The following PCLO variants were observed in gnomAD, a reference collection of about 807,000 sequenced individuals.
The protein encoded by PCLO is piccolo presynaptic cytomatrix protein.
Under a neutral mutation model 427.5 loss-of-function variants are expected in PCLO, and 82 were observed. The observed-to-expected ratio is 0.19, with a 90% CI of 0.16 to 0.23. PCLO has a LOEUF of 0.23. PCLO is among the 10% of genes least tolerant of loss of function. The pLI is 1.00. For missense variants in PCLO, 6,239 were observed against 6,115.9 expected (o/e 1.02, Z -0.67); for synonymous variants, 2,357 against 2,155.4 (o/e 1.09, Z -2.59).
intron 10 of PCLO, chr7:82,867,986 G>T: frequency 2.7e-6 from 1 of 363,922 alleles, no homozygotes; most frequent in Non-Finnish European, 5.4e-6. Context: ...ACAGAAGAGA[G>T]TTTCCTAAAT....
In PCLO at chr7:82,951,405, T is replaced by G; in HGVS notation, c.9183A>C (p.Pro3061=). 6.3e-7 allele frequency: 1 copy of G among 1,599,666 alleles called. No homozygotes were observed. Among genetic ancestry groups the G allele is most frequent in the East Asian group, 2.2e-5 (1 of 44,446 alleles). Residue 3061 remains proline, a synonymous_variant, in exon 6 of 25, where the codon CCA becomes CCC. Transcript: ENST00000333891. ...QVISGAGIST[P]QYSTARMTPP... ...GTGTCATTCTTGCTGTGGAATACTG[T>G]GGGGTACTAATCCCAGCTCCTGAAA...
chr7:83,077,036 T>TA (rs1314813433), intron 3 of PCLO, among the ~76,000 whole-genome samples: 2 of 135,694 alleles, frequency 1.5e-5, no homozygotes, highest in Non-Finnish European at 3.2e-5. Context: ...ATATATATAT[T>TA]TTGCATATAG....
intron 22 of PCLO, among the ~76,000 whole-genome samples, chr7:82,781,438 G>T (rs1288867859): frequency 6.6e-6 from 1 of 151,502 alleles, no homozygotes; most frequent in Non-Finnish European, 1.5e-5. Flanking sequence ...CCTTTAAGTT[G>T]CCTCCCTTTG....
In PCLO at chr7:83,078,578, T is replaced by C. The variant is rs140937834; in HGVS notation, c.3300+55672A>G. ...ACGGAGTTTCACTCTGTTGTCCAGGTTGGAGTGCAGTGGCGTGATCTCAGC... is the reference window on the plus strand; with the variant it reads ...ACGGAGTTTCACTCTGTTGTCCAGGCTGGAGTGCAGTGGCGTGATCTCAGC... On this transcript the variant is annotated intron_variant, in intron 3 of 24. Coordinates refer to ENST00000333891, the MANE Select transcript of PCLO (RefSeq NM_033026.6). Among the ~76,000 whole-genome samples the C allele has an allele frequency of 9.5e-4, 140 of 147,200 alleles. 1 individual carries two copies. Among genetic ancestry groups the C allele is most frequent in the African/African-American group, 3.3e-3 (124 of 37,850 alleles).
Position 83,154,887 on chromosome 7 carries a change from G to C in PCLO, c.1754C>G (p.Pro585Arg), listed in dbSNP as rs1037055977. Reference protein sequence around the residue: ...SAKQPPSQGLPKTICPLCNTT... With the variant: ...SAKQPPSQGLRKTICPLCNTT... The stretch of plus-strand genomic sequence containing the variant: ...ATTGCAAAGAGGACAGATGGTTTTA[G>C]GGAGGCCTTGTGAAGGAGGCTGTTT... The change falls in exon 2 of 25, where the codon CCT becomes CGT. Residue 585 changes from proline (P) to arginine (R), a missense_variant. Transcript: ENST00000333891. The C allele has an allele frequency of 3.7e-6, 6 of 1,614,058 alleles. No individual in the cohort carries two copies. The highest frequency in any genetic ancestry group is 5.1e-6 in the Non-Finnish European group (6 of 1,179,906).
intron 3 of PCLO, among the ~76,000 whole-genome samples, chr7:83,096,068 C>T (rs1790528897): frequency 6.6e-6 from 1 of 151,894 alleles, no homozygotes; most frequent in Non-Finnish European, 1.5e-5. Context: ...TCTAACACAC[C>T]TCAATTTCAA....
chr7:83,081,090 TA>T (rs1790088727), intron 3 of PCLO, among the ~76,000 whole-genome samples: 1 of 152,012 alleles, frequency 6.6e-6, no homozygotes, highest in Non-Finnish European at 1.5e-5. Flanking sequence ...TACTGTATTA[TA>T]TTGATTTCTG....
At chr7:82,939,513 A>C (rs1257581455) in intron 6 of PCLO, among the ~76,000 whole-genome samples, 1 of 151,778 alleles carries the variant, frequency 6.6e-6, no homozygotes, top group African/African-American at 2.4e-5. Flanking sequence ...ACATTAAAAT[A>C]GTTCAGGGAT....
At chr7:83,149,630 C>T (rs115307105) in intron 2 of PCLO, among the ~76,000 whole-genome samples, 2,074 of 152,274 alleles carry the variant, frequency 0.014, 69 homozygotes, top group African/African-American at 0.047. Context: ...ACTTCACCAT[C>T]AGGAATGTCT....
At chr7:82,880,849 T>C (rs1438518730) in intron 9 of PCLO, among the ~76,000 whole-genome samples, 1 of 152,218 alleles carries the variant, frequency 6.6e-6, no homozygotes, top group Non-Finnish European at 1.5e-5. Context: ...ATTGACATTG[T>C]TGTAAAACTA....
chr7:82,907,783 AC>A (rs1794226070), intron 8 of PCLO, among the ~76,000 whole-genome samples: 1 of 152,012 alleles, frequency 6.6e-6, no homozygotes, highest in African/African-American at 2.4e-5. Context: ...ATATAGAAAA[AC>A]AGAACAAAAT....
intron 8 of PCLO, among the ~76,000 whole-genome samples, chr7:82,906,474 T>C (rs1236856118): frequency 1.3e-5 from 2 of 152,054 alleles, no homozygotes; most frequent in African/African-American, 2.4e-5. Flanking sequence ...AGGGAGACAG[T>C]ATTTGAAGAT....
intron 2 of PCLO, among the ~76,000 whole-genome samples, chr7:83,137,493 C>T (rs1791758739): frequency 2.0e-5 from 3 of 152,086 alleles, no homozygotes; most frequent in South Asian, 4.1e-4. Flanking sequence ...TGCAGTGGTG[C>T]GATCTCGGCT....
At chr7:82,817,386 G>A (rs1348990821) in intron 20 of PCLO, among the ~76,000 whole-genome samples, 1 of 152,030 alleles carries the variant, frequency 6.6e-6, no homozygotes. Context: ...TTTCTTATGG[G>A]CCTGACCTTT....
chr7:83,133,924 A>C (rs887232789), intron 3 of PCLO, among the ~76,000 whole-genome samples: 1 of 151,946 alleles, frequency 6.6e-6, no homozygotes, highest in South Asian at 2.1e-4. Flanking sequence ...TTTACACGTG[A>C]AAATAGTCCT....
chr7:82,985,814 G>A (rs1199784200), intron 3 of PCLO, among the ~76,000 whole-genome samples: 1 of 151,932 alleles, frequency 6.6e-6, no homozygotes, highest in Admixed American at 6.6e-5. Context: ...TCCACAACAT[G>A]TAATTAGAAA....
At chr7:83,019,156 G>A (rs1788280701) in intron 3 of PCLO, among the ~76,000 whole-genome samples, 1 of 151,958 alleles carries the variant, frequency 6.6e-6, no homozygotes, top group Non-Finnish European at 1.5e-5. Flanking sequence ...AAATGTCAAT[G>A]TAAATTTTGT....
At position 83,134,864 on chromosome 7, in the gene PCLO, G is replaced by T. The variant is rs369189035; in HGVS notation, c.2686C>A (p.Pro896Thr). 1.2e-6 allele frequency: 2 copies of T among 1,608,816 alleles called. No homozygotes were observed. Among genetic ancestry groups the T allele is most frequent in the African/African-American group, 2.7e-5 (2 of 74,778 alleles). Residue 896 changes from proline (P) to threonine (T), a missense_variant, in exon 3 of 25, where the codon CCA (proline) becomes ACA (threonine). Pro to Thr is a conservative substitution (Grantham distance 38, BLOSUM62 -1). Transcript: ENST00000333891. ...GQTVPTPQQSPKPQEQSRRFS... is the reference protein window; with the variant it reads ...GQTVPTPQQSTKPQEQSRRFS... ...CGCCTTGACTGCTCCTGAGGCTTTG[G>T]GGACTGTTGAGGTGTGGGGACAGTT...
intron 14 of PCLO, among the ~76,000 whole-genome samples, chr7:82,838,880 T>C (rs1792296978): frequency 6.6e-6 from 1 of 152,022 alleles, no homozygotes; most frequent in Admixed American, 6.6e-5. Context: ...ATTAAACCTA[T>C]AGATACCTTT....
Sources: gnomAD v4.1 joint callset for allele counts (sites outside exome capture counted in the v4.1 genomes callset) on GRCh38, gnomAD v4.1.1 for gene constraint, MANE v1.5 for transcripts, NCBI Gene and HGNC (gene_info 2026-07-23, HGNC 2026-07-21) for gene names.